Variants in UGT2B4 observed in about 807,000 individuals in gnomAD.
UGT2B4 encodes UDP glucuronosyltransferase family 2 member B4, also known as UDP-glucuronosyltransferase 2B4.
In UGT2B4, 49 loss-of-function variants were observed where a neutral mutation model predicts 49.8. The observed-to-expected ratio is 0.98, with a 90% confidence interval of 0.78 to 1.25. UGT2B4 has a LOEUF of 1.25. Among genes scored for constraint, UGT2B4 ranks in the 50% most tolerant of loss-of-function variants. UGT2B4 has a pLI of 0.00. For synonymous variants in UGT2B4, 246 were observed against 217.7 expected, an observed-to-expected ratio of 1.13 and a Z score of -1.14; for missense variants, 729 against 627.7, an observed-to-expected ratio of 1.16 and a Z score of -1.73.
chr4:69,490,567 C>T (rs1423704330), intron 2 of UGT2B4, among the ~76,000 whole-genome samples: 1 of 152,070 alleles, frequency 6.6e-6, no homozygotes, highest in Non-Finnish European at 1.5e-5. Flanking sequence ...ACCTGTGTTC[C>T]CCAATGTACG....
intron 1 of UGT2B4, among the ~76,000 whole-genome samples, chr4:69,519,904 T>G (rs994179488): frequency 6.6e-6 from 1 of 152,184 alleles, no homozygotes; most frequent in Admixed American, 6.5e-5. Context: ...TATTGCTCTG[T>G]CCCACTCTCA....
exon 1 of UGT2B4, chr4:69,525,770 A>G: frequency 8.2e-7 from 1 of 1,225,912 alleles, no homozygotes; most frequent in South Asian, 1.3e-5. Context: ...ACATGTTTAT[A>G]TTTAAACAAG....
chr4:69,485,989 G>T (rs1727769998), intron 4 of UGT2B4, among the ~76,000 whole-genome samples: 1 of 152,092 alleles, frequency 6.6e-6, no homozygotes, highest in Admixed American at 6.6e-5. Flanking sequence ...TTGAACTCCT[G>T]AGCTCAGTCA....
chr4:69,497,716 C>T (rs146104914), upstream of UGT2B4, among the ~76,000 whole-genome samples: 50 of 152,278 alleles, frequency 3.3e-4, no homozygotes, highest in African/African-American at 1.2e-3. Flanking sequence ...ATTATGTGAA[C>T]ATTGCTGAAA....
intron 5 of UGT2B4, 34 bp from the exon 6 acceptor site, chr4:69,480,944 A>G (rs751286007): frequency 1.2e-6 from 2 of 1,604,650 alleles, no homozygotes; most frequent in Admixed American, 1.7e-5. Context: ...CAACATTGAA[A>G]GTAAGTTAAT....
At chr4:69,488,722 T>C (rs1449787024) in intron 3 of UGT2B4, among the ~76,000 whole-genome samples, 2 of 151,960 alleles carry the variant, frequency 1.3e-5, no homozygotes, top group Admixed American at 6.6e-5. Context: ...CCACATTTTA[T>C]ACTACACAGG....
intron 3 of UGT2B4, among the ~76,000 whole-genome samples, chr4:69,488,412 AT>A (rs1472207798): frequency 6.6e-6 from 1 of 152,118 alleles, no homozygotes; most frequent in African/African-American, 2.4e-5. Context: ...TTAAAAAAAA[AT>A]AATTTACGGT....
chr4:69,524,153 G>A (rs1383013418), intron 1 of UGT2B4, among the ~76,000 whole-genome samples: 1 of 152,080 alleles, frequency 6.6e-6, no homozygotes, highest in Non-Finnish European at 1.5e-5. Flanking sequence ...ATTCACTGGA[G>A]TAATACTTGT....
At chr4:69,511,342 T>G (rs1051513394) in intron 1 of UGT2B4, among the ~76,000 whole-genome samples, 1 of 152,134 alleles carries the variant, frequency 6.6e-6, no homozygotes, top group African/African-American at 2.4e-5. Context: ...GTTGAGAGAC[T>G]TTTTTCTTTT....
At chr4:69,509,516 G>A (rs1053601480) in intron 1 of UGT2B4, among the ~76,000 whole-genome samples, 1 of 152,084 alleles carries the variant, frequency 6.6e-6, no homozygotes, top group African/African-American at 2.4e-5. Flanking sequence ...TTGCTTGTGT[G>A]CATCTGTGCT....
chr4:69,495,097 A>G lies in UGT2B4; in HGVS notation c.721+44T>C, dbSNP rs760688789. 4 of 1,487,958 alleles carry G rather than the reference A, an allele frequency of 2.7e-6. No homozygotes were observed. The East Asian group carries it at 9.3e-5, about 35-fold the overall frequency. 92.2% of individuals were successfully genotyped at this position (1,487,958 alleles called of 1,614,324 possible). On this transcript the variant is annotated intron_variant, in intron 1 of 5. Coordinates refer to ENST00000305107, the MANE Select transcript of UGT2B4 (RefSeq NM_021139.3). ...TATACAAACTCAGCTTCAAAGGTAC[A>G]AGAAAGTTAGATCTTCATGTTACCA...
intron 1 of UGT2B4, among the ~76,000 whole-genome samples, chr4:69,521,798 T>C (rs1205453954): frequency 6.6e-6 from 1 of 152,222 alleles, no homozygotes; most frequent in African/African-American, 2.4e-5. Flanking sequence ...TATAATAATT[T>C]GTTATATGAA....
chr4:69,494,806 C>A (rs1210044391), intron 1 of UGT2B4, among the ~76,000 whole-genome samples: 1 of 152,008 alleles, frequency 6.6e-6, no homozygotes. Flanking sequence ...ATGCATTCAG[C>A]AAGATGTTTC....
chr4:69,515,687 G>GA lies in UGT2B4; in HGVS notation c.-106+9999dup, dbSNP rs754702076. ...ACTTAACTGAAGGAGATACAGACGT[G>GA]AAAAATCACTTCAAAATTCAATGAA... is the stretch of plus-strand genomic sequence containing the variant. On this transcript the variant is annotated intron_variant, in intron 1 of 1. Transcript: ENST00000510114. 2.4e-4 allele frequency among the ~76,000 whole-genome samples: 37 copies of GA among 151,968 alleles called. 1 individual carries two copies. The highest frequency in any genetic ancestry group is 5.0e-4 in the Non-Finnish European group (34 of 67,956).
chr4:69,505,720 A>G (rs1466945863), intron 1 of UGT2B4, among the ~76,000 whole-genome samples: 1 of 152,194 alleles, frequency 6.6e-6, no homozygotes, highest in Non-Finnish European at 1.5e-5. Flanking sequence ...TAAACCTGAT[A>G]GATATCTGCA....
intron 2 of UGT2B4, 110 bp downstream of exon 2, chr4:69,493,583 T>C (rs1728056825): frequency 1.5e-6 from 2 of 1,355,756 alleles, no homozygotes; most frequent in South Asian, 1.7e-5. Context: ...GTATCTGCTT[T>C]ACTCTTCCCA....
intron 2 of UGT2B4, among the ~76,000 whole-genome samples, chr4:69,492,159 G>A (rs751361037): frequency 3.9e-5 from 6 of 151,992 alleles, no homozygotes; most frequent in African/African-American, 1.4e-4. Flanking sequence ...TTATACATGC[G>A]TTGTTCATTT....
intron 3 of UGT2B4, among the ~76,000 whole-genome samples, chr4:69,488,897 T>G (rs1250302012): frequency 6.6e-6 from 1 of 152,026 alleles, no homozygotes; most frequent in Non-Finnish European, 1.5e-5. Context: ...AGGCCTTCCT[T>G]TCTCTGAATA....
At chr4:69,481,035 A>C in intron 5 of UGT2B4, 125 bp from the exon 6 acceptor site, 2 of 952,192 alleles carry the variant, frequency 2.1e-6, no homozygotes, top group South Asian at 3.4e-5. Flanking sequence ...TCAGGAGATC[A>C]AGACCATCCT....
Sources: allele counts gnomAD v4.1 joint callset (sites outside exome capture counted in the v4.1 genomes callset), GRCh38; gene constraint gnomAD v4.1.1; transcripts MANE v1.5; gene names NCBI Gene and HGNC (gene_info 2026-07-23, HGNC 2026-07-21).